FOXF2: variants seen among roughly 807,000 people sequenced by gnomAD.
FOXF2 encodes the protein forkhead box protein F2.
FOXF2 carries 15 observed loss-of-function variants against 29.1 expected under a neutral mutation model. The ratio of observed to expected loss-of-function variants is 0.52; its 90% CI spans 0.35 to 0.79. The LOEUF (loss-of-function observed/expected upper bound fraction) is 0.79, where lower values mean the gene tolerates loss of function less well. Among genes scored for constraint, FOXF2 ranks in the 30% least tolerant of loss-of-function variants. The pLI is 0.01. For synonymous variants in FOXF2, 337 were observed against 316.5 expected, an observed-to-expected ratio of 1.06 and a Z score of -0.69; for missense variants, 675 against 667.1, an observed-to-expected ratio of 1.01 and a Z score of -0.13.
Position 1,390,325 on chromosome 6 carries a change from C to T in FOXF2, c.378C>T (p.Ile126=). The T allele has an allele frequency of 1.9e-6, 3 of 1,613,428 alleles. No individual in the cohort carries two copies. The highest frequency in any genetic ancestry group is 2.5e-6 in the Non-Finnish European group (3 of 1,179,946). The part of the protein sequence containing the change: ...SPSKRLTLSE[I]YQFLQARFPF... Reference sequence around the variant, plus strand: ...GCAAGCGCCTGACGCTCAGCGAGATCTACCAGTTCCTGCAGGCGCGCTTCC... The same window carrying T: ...GCAAGCGCCTGACGCTCAGCGAGATTTACCAGTTCCTGCAGGCGCGCTTCC... The change falls in exon 1 of 2, where the codon ATC becomes ATT. Residue 126 remains isoleucine (I), a synonymous_variant. Transcript: ENST00000645481. This position sits in a 1 kb window ranked among gnomAD's most constrained non-coding sequence, Gnocchi z 8.5.
At chr6:1,392,434 T>TCA (rs71738664) in intron 1 of FOXF2, among the ~76,000 whole-genome samples, 4,922 of 107,532 alleles carry the variant, frequency 0.046, 84 homozygotes, top group East Asian at 0.099. Context: ...CGGCTGTCAA[T>TCA]CACACACACA....
At chr6:1,394,561 C>A in intron 1 of FOXF2, 135 bp from the exon 2 acceptor site, 1 of 783,124 alleles carries the variant, frequency 1.3e-6, no homozygotes, top group Non-Finnish European at 2.2e-6. Flanking sequence ...TAAAGCTGGG[C>A]TTTCTCTACC....
In FOXF2 at chr6:1,393,005, G is replaced by A. The variant is rs557056420; in HGVS notation, c.1172-1691G>A. ...TTGCCATCTCCCTGGAGCGCCAGCG[G>A]TGGAGGCTTCGGAGGAGCCGGCCGG... is the stretch of plus-strand genomic sequence containing the variant. On this transcript the variant is annotated intron_variant, in intron 1 of 1. Coordinates refer to ENST00000645481, the MANE Select transcript of FOXF2 (RefSeq NM_001452.2). 1.2e-4 allele frequency among the ~76,000 whole-genome samples: 19 copies of A among 152,342 alleles called. No individual in the cohort carries two copies. The South Asian group carries it at 3.7e-3, about 30-fold the overall frequency.
chr6:1,389,912 C>T lies in FOXF2; in HGVS notation c.-36C>T. 1.2e-6 allele frequency: 1 copy of T among 849,658 alleles called. No homozygotes were observed. The highest frequency in any genetic ancestry group is 1.4e-6 in the Non-Finnish European group (1 of 707,352). 52.6% of individuals were successfully genotyped at this position (849,658 alleles called of 1,614,324 possible). ...GGCGCCTCCGCTTCCCGCCCGGGGC[C>T]CGCCCTCGCGGCCCGGCCTCGCTCC... On this transcript the variant is annotated 5_prime_UTR_variant, in exon 1 of 2. Transcript: ENST00000645481.
In FOXF2 at chr6:1,389,638, C is replaced by A. The variant is rs1299227180; in HGVS notation, c.-310C>A. 1 of 150,684 alleles carries A rather than the reference C, an allele frequency of 6.6e-6. No homozygotes were observed. The allele number at this position is 150,684 out of a possible 1,614,324, so 9.3% of individuals were successfully genotyped here. On this transcript the variant is annotated 5_prime_UTR_variant, in exon 1 of 2. Coordinates refer to ENST00000645481, the MANE Select transcript of FOXF2 (RefSeq NM_001452.2). ...GTCCCCGGGGTCCAGGCCGCGGTCC[C>A]ACTCGCGGGCGCAGTCGCCCGGCGC...
In FOXF2 at chr6:1,390,681, G is replaced by A; in HGVS notation, c.734G>A (p.Gly245Asp). 6.6e-7 allele frequency: 1 copy of A among 1,525,000 alleles called. No homozygotes were observed. Among genetic ancestry groups the A allele is most frequent in the Non-Finnish European group, 8.7e-7 (1 of 1,144,668 alleles). 94.5% of individuals were successfully genotyped at this position (1,525,000 alleles called of 1,614,324 possible). A position where few individuals can be genotyped will look rare whatever the true frequency, so the allele number is the denominator to read the frequency against. ...LGCHSQGGYG[G>D]LDMMPAGYDA... The stretch of plus-strand genomic sequence containing the variant: ...TGCCACAGCCAGGGCGGCTACGGCG[G>A]CCTCGACATGATGCCCGCGGGCTAC... The change falls in exon 1 of 2, where the codon GGC becomes GAC. Residue 245 changes from glycine (G) to aspartate (D), a missense_variant. Physicochemically the swap from Gly to Asp is moderately conservative, Grantham distance 94. Transcript: ENST00000645481. This position sits in a 1 kb window ranked among gnomAD's most constrained non-coding sequence, Gnocchi z 8.5.
intron 1 of FOXF2, among the ~76,000 whole-genome samples, chr6:1,391,680 C>T (rs1758789860): frequency 6.6e-6 from 1 of 152,076 alleles, no homozygotes; most frequent in Non-Finnish European, 1.5e-5. Flanking sequence ...ACTAAAGGGA[C>T]ATTTGCCAGT....
intron 1 of FOXF2, 56 bp from the exon 2 acceptor site, chr6:1,394,640 G>A: frequency 1.3e-6 from 2 of 1,567,586 alleles, no homozygotes; most frequent in South Asian, 1.1e-5. Context: ...AAGACACCCT[G>A]CCATCCACTG....
rs1049362749 is a variant in FOXF2, at chr6:1,390,889, C to T, written c.942C>T (p.Ser314=). 2.1e-5 allele frequency: 32 copies of T among 1,533,474 alleles called. No individual in the cohort carries two copies. Among genetic ancestry groups the T allele is most frequent in the Non-Finnish European group, 2.5e-5 (29 of 1,145,258 alleles). 95.0% of individuals were successfully genotyped at this position (1,533,474 alleles called of 1,614,324 possible). ...GGGDYGPDSS[S]SPVPSSPAMA... ...GCGACTACGGGCCGGACAGCAGCAG[C>T]AGCCCGGTACCCTCGTCCCCGGCCA... is the stretch of plus-strand genomic sequence containing the variant. The change falls in exon 1 of 2, where the codon AGC becomes AGT. Residue 314 remains serine, a synonymous_variant. Coordinates refer to ENST00000645481, the MANE Select transcript of FOXF2 (RefSeq NM_001452.2). The surrounding 1 kb of genome is among the most constrained non-coding windows in gnomAD (Gnocchi z 8.5).
intron 1 of FOXF2, among the ~76,000 whole-genome samples, chr6:1,391,812 T>TC (rs925365242): frequency 2.6e-5 from 4 of 151,216 alleles, no homozygotes; most frequent in African/African-American, 9.7e-5. Flanking sequence ...CTGCTAGGAC[T>TC]CCCCTGAGAA....
At chr6:1,393,146 T>A (rs1348071743) in intron 1 of FOXF2, among the ~76,000 whole-genome samples, 1 of 151,926 alleles carries the variant, frequency 6.6e-6, no homozygotes, top group Non-Finnish European at 1.5e-5. Context: ...TCAGCACATG[T>A]CTACGCGCAC....
chr6:1,389,919 C>T lies in FOXF2; in HGVS notation c.-29C>T, dbSNP rs1666455718. The T allele has an allele frequency of 4.4e-6, 4 of 913,384 alleles. No homozygotes were observed. The highest frequency in any genetic ancestry group is 1.3e-4 in the Admixed American group (2 of 15,822). The allele number at this position is 913,384 out of a possible 1,614,324, so 56.6% of individuals were successfully genotyped here. Reference sequence around the variant, plus strand: ...CCGCTTCCCGCCCGGGGCCCGCCCTCGCGGCCCGGCCTCGCTCCCGGGTCC... The same window carrying T: ...CCGCTTCCCGCCCGGGGCCCGCCCTTGCGGCCCGGCCTCGCTCCCGGGTCC... On this transcript the variant is annotated 5_prime_UTR_variant, in exon 1 of 2. Transcript: ENST00000645481.
Position 1,390,980 on chromosome 6 carries a change from G to A in FOXF2, c.1033G>A (p.Ala345Thr). ...TGCGGCGCACTGGAGCTCGCCTGGCGCCTCGCCTTACCTCAAGCAGCCGCC... is the reference window on the plus strand; with the variant it reads ...TGCGGCGCACTGGAGCTCGCCTGGCACCTCGCCTTACCTCAAGCAGCCGCC... ...SPAAHWSSPG[A>T]SPYLKQPPAL... The change falls in exon 1 of 2, where the codon GCC becomes ACC. Residue 345 changes from alanine to threonine, a missense_variant. Transcript: ENST00000645481. This position sits in a 1 kb window ranked among gnomAD's most constrained non-coding sequence, Gnocchi z 8.5. 6.3e-7 allele frequency: 1 copy of A among 1,595,242 alleles called. No individual in the cohort carries two copies. The highest frequency in any genetic ancestry group is 8.5e-7 in the Non-Finnish European group (1 of 1,177,726).
intron 1 of FOXF2, among the ~76,000 whole-genome samples, chr6:1,392,777 G>C (rs2113370972): frequency 6.6e-6 from 1 of 152,350 alleles, no homozygotes; most frequent in East Asian, 1.9e-4. Flanking sequence ...GGTGAAAACT[G>C]CCCAGCAAAG....
intron 1 of FOXF2, 136 bp downstream of exon 1, chr6:1,391,254 G>A: frequency 6.9e-7 from 1 of 1,451,844 alleles, no homozygotes; most frequent in South Asian, 1.2e-5. Context: ...CAGATGCTGG[G>A]GAAAGCCGGC....
chr6:1,393,002 G>T (rs1213063072), intron 1 of FOXF2, among the ~76,000 whole-genome samples: 1 of 152,210 alleles, frequency 6.6e-6, no homozygotes, highest in Non-Finnish European at 1.5e-5. Flanking sequence ...TGGAGCGCCA[G>T]CGGTGGAGGC....
In FOXF2 at chr6:1,390,363, G is replaced by A; in HGVS notation, c.416G>A (p.Gly139Asp). The A allele has an allele frequency of 6.2e-7, 1 of 1,612,696 alleles. No individual in the cohort carries two copies. The highest frequency in any genetic ancestry group is 1.1e-5 in the South Asian group (1 of 91,088). ...CAGGCGCGCTTCCCCTTCTTCCGCG[G>A]CGCCTACCAGGGCTGGAAGAACTCG... ...FLQARFPFFR[G>D]AYQGWKNSVR... The change falls in exon 1 of 2, where the codon GGC (glycine) becomes GAC (aspartate). Residue 139 changes from glycine (G) to aspartate (D), a missense_variant. By Grantham distance (94) the Gly-to-Asp change is moderately conservative. Transcript: ENST00000645481. The surrounding 1 kb of genome is among the most constrained non-coding windows in gnomAD (Gnocchi z 8.5).
chr6:1,392,322 G>T (rs1484678325), intron 1 of FOXF2, among the ~76,000 whole-genome samples: 2 of 152,104 alleles, frequency 1.3e-5, no homozygotes, highest in African/African-American at 4.8e-5. Context: ...ATTTTAGCCT[G>T]ACTTAACCCA....
chr6:1,392,770 G>A (rs1179602509), intron 1 of FOXF2, among the ~76,000 whole-genome samples: 2 of 152,208 alleles, frequency 1.3e-5, no homozygotes, highest in Non-Finnish European at 2.9e-5. Context: ...TGGAGGGGGT[G>A]AAAACTGCCC....
Sources: gnomAD v4.1 joint callset for allele counts (sites outside exome capture counted in the v4.1 genomes callset) on GRCh38, gnomAD v4.1.1 for gene constraint, Gnocchi (gnomAD v3.1) non-coding constraint, MANE v1.5 for transcripts, NCBI Gene and HGNC (gene_info 2026-07-23, HGNC 2026-07-21) for gene names.